ETNK1: variants seen among roughly 807,000 people sequenced by gnomAD.
ETNK1 encodes the protein putative protein product of Nbla10396.
Under a neutral mutation model 45.1 loss-of-function variants are expected in ETNK1, and 8 were observed. The observed-to-expected ratio is 0.18, with a 90% CI of 0.10 to 0.32. ETNK1 has a LOEUF of 0.32. ETNK1 is among the 10% of genes least tolerant of loss of function. The probability of loss-of-function intolerance (pLI) is 1.00; values close to 1 mark genes in which losing one functional copy is unlikely to be tolerated. For synonymous variants in ETNK1, 152 were observed against 151.9 expected, an observed-to-expected ratio of 1.00 and a Z score of -0.01; for missense variants, 302 against 430.6, an observed-to-expected ratio of 0.70 and a Z score of 2.64.
At chr12:22,644,513 A>G (rs1953781846) in intron 2 of ETNK1, 1 of 492,300 alleles carries the variant, frequency 2.0e-6, no homozygotes, top group Non-Finnish European at 2.9e-6. Context: ...CAAAATTGCC[A>G]GCTTTAAAAA....
chr12:22,669,640 A>T (rs1289462037), intron 4 of ETNK1, among the ~76,000 whole-genome samples: 1 of 152,144 alleles, frequency 6.6e-6, no homozygotes, highest in East Asian at 1.9e-4. Flanking sequence ...AGAAACTTTA[A>T]AACATGTTTC....
At chr12:22,644,861 A>AC (rs1953787021) in intron 2 of ETNK1, among the ~76,000 whole-genome samples, 1 of 151,986 alleles carries the variant, frequency 6.6e-6, no homozygotes, top group Non-Finnish European at 1.5e-5. Flanking sequence ...TTTCAACTTT[A>AC]CAAAGCTCCT....
chr12:22,685,622 G>T lies in ETNK1; in HGVS notation c.*668G>T, dbSNP rs1382005611. Reference sequence around the variant, plus strand: ...CCCTGTTTCTCTATGTAGTCTGGCAGTATAAATATAAATATTTACCATATA... The same window carrying T: ...CCCTGTTTCTCTATGTAGTCTGGCATTATAAATATAAATATTTACCATATA... On this transcript the variant is annotated 3_prime_UTR_variant, in exon 8 of 8. Coordinates refer to ENST00000266517, the MANE Select transcript of ETNK1 (RefSeq NM_018638.5). 2 of 151,748 alleles carry T rather than the reference G, an allele frequency of 1.3e-5. No individual in the cohort carries two copies. The allele number at this position is 151,748 out of a possible 1,614,324, so 9.4% of individuals were successfully genotyped here.
intron 4 of ETNK1, among the ~76,000 whole-genome samples, chr12:22,669,821 G>GA (rs142250493): frequency 4.6e-5 from 7 of 151,416 alleles, no homozygotes; most frequent in Non-Finnish European, 1.0e-4. Context: ...AACAAAAAGA[G>GA]AAAAAAAATA....
chr12:22,625,451 C>T lies in ETNK1; in HGVS notation c.21C>T (p.Val7=). 1.3e-6 allele frequency: 2 copies of T among 1,594,402 alleles called. No individual in the cohort carries two copies. Among genetic ancestry groups the T allele is most frequent in the South Asian group, 1.1e-5 (1 of 88,806 alleles). Reference sequence around the variant, plus strand: ...GGGCCATGGCCAATTACATCCACGTCCCTCCCGGCTCCCCGGAGGTGCCCA... The same window carrying T: ...GGGCCATGGCCAATTACATCCACGTTCCTCCCGGCTCCCCGGAGGTGCCCA... The part of the protein sequence containing the change: MANYIH[V]PPGSPEVPKL... The change falls in exon 1 of 8, where the codon GTC becomes GTT. Residue 7 remains valine, a synonymous_variant. Transcript: ENST00000266517.
intron 1 of ETNK1, among the ~76,000 whole-genome samples, chr12:22,632,780 G>T (rs1452192552): frequency 2.0e-5 from 3 of 152,152 alleles, no homozygotes; most frequent in African/African-American, 7.2e-5. Context: ...GGGATTACAG[G>T]TGTGAGCCAC....
At chr12:22,680,629 C>A (rs1217838630) in intron 6 of ETNK1, among the ~76,000 whole-genome samples, 1 of 152,140 alleles carries the variant, frequency 6.6e-6, no homozygotes, top group Non-Finnish European at 1.5e-5. Flanking sequence ...GTCTTAAGTG[C>A]TGTTTCCTCC....
chr12:22,630,403 A>G (rs941278010), intron 1 of ETNK1, among the ~76,000 whole-genome samples: 2 of 152,270 alleles, frequency 1.3e-5, no homozygotes, highest in African/African-American at 2.4e-5. Context: ...CAAGGTAGGC[A>G]TAGAAGAACG....
chr12:22,680,902 C>CCCG (rs1414078251), intron 6 of ETNK1, among the ~76,000 whole-genome samples: 27 of 136,790 alleles, frequency 2.0e-4, no homozygotes, highest in African/African-American at 6.2e-4. Context: ...CCCCGCCCCC[C>CCCG]CCTCCATTAT....
intron 1 of ETNK1, among the ~76,000 whole-genome samples, chr12:22,639,210 TTTAA>T (rs991545175): frequency 9.2e-5 from 14 of 152,124 alleles, no homozygotes; most frequent in Admixed American, 7.2e-4. Flanking sequence ...TTTTTTAATT[TTTAA>T]TTAATTAATT....
intron 6 of ETNK1, among the ~76,000 whole-genome samples, chr12:22,675,397 G>T (rs1480811195): frequency 6.6e-6 from 1 of 151,724 alleles, no homozygotes; most frequent in African/African-American, 2.4e-5. Context: ...GCTCTGTCAC[G>T]CAGGCTGGAA....
rs118172299 is a variant in ETNK1 at position 22,655,829 on chromosome 12, C to T, written c.417-3185C>T. Among the ~76,000 whole-genome samples the T allele has an allele frequency of 8.5e-3, 1,286 of 152,070 alleles. 9 individuals carry two copies. The highest frequency in any genetic ancestry group is 0.012 in the Non-Finnish European group (789 of 67,990). ...ATATTTTGATTCCTTGTAAGGAACC[C>T]AAAAACCAGATGAATTATTTGTTTA... On this transcript the variant is annotated intron_variant, in intron 2 of 7. Coordinates refer to ENST00000266517, the MANE Select transcript of ETNK1 (RefSeq NM_018638.5).
chr12:22,626,752 T>C (rs1953504344), intron 1 of ETNK1, among the ~76,000 whole-genome samples: 1 of 152,180 alleles, frequency 6.6e-6, no homozygotes, highest in Admixed American at 6.5e-5. Flanking sequence ...GAGAAGAAAC[T>C]TGTTAGACAA....
intron 6 of ETNK1, among the ~76,000 whole-genome samples, chr12:22,680,211 C>G (rs1954201690): frequency 6.6e-6 from 1 of 152,116 alleles, no homozygotes; most frequent in Non-Finnish European, 1.5e-5. Context: ...AGCACCTTCT[C>G]CTTTTATTTT....
intron 1 of ETNK1, among the ~76,000 whole-genome samples, chr12:22,643,126 T>C (rs1378009197): frequency 1.3e-5 from 2 of 152,070 alleles, no homozygotes; most frequent in African/African-American, 4.8e-5. Context: ...AAAACTGTTA[T>C]ACTCTGAGTG....
chr12:22,629,853 G>A (rs577317835), intron 1 of ETNK1, among the ~76,000 whole-genome samples: 14 of 152,260 alleles, frequency 9.2e-5, no homozygotes, highest in Middle Eastern at 3.4e-3. Flanking sequence ...AACTTTTAAT[G>A]TTAGTGATTA....
At chr12:22,679,538 T>G (rs558251535) in intron 6 of ETNK1, among the ~76,000 whole-genome samples, 2 of 152,214 alleles carry the variant, frequency 1.3e-5, no homozygotes, top group East Asian at 3.9e-4. Context: ...AAACAATACT[T>G]TCCTAGCCAA....
At chr12:22,632,596 T>TA (rs1432272324) in intron 1 of ETNK1, among the ~76,000 whole-genome samples, 4 of 152,052 alleles carry the variant, frequency 2.6e-5, no homozygotes, top group African/African-American at 9.7e-5. Flanking sequence ...TGCAGCCTTG[T>TA]ACTCCTGAGC....
intron 2 of ETNK1, among the ~76,000 whole-genome samples, chr12:22,658,086 C>T (rs1330709939): frequency 6.6e-6 from 1 of 152,050 alleles, no homozygotes; most frequent in African/African-American, 2.4e-5. Flanking sequence ...GTACCTAAGC[C>T]TGTGTAATTT....
Sources: gnomAD v4.1 joint callset for allele counts (sites outside exome capture counted in the v4.1 genomes callset) on GRCh38, gnomAD v4.1.1 for gene constraint, MANE v1.5 for transcripts, NCBI Gene and HGNC (gene_info 2026-07-23, HGNC 2026-07-21) for gene names.